The following WDR64 variants were observed in gnomAD, a reference collection of about 807,000 sequenced individuals.
WDR64 encodes WD repeat-containing protein 64.
WDR64 carries 112 observed loss-of-function variants against 139.3 expected under a neutral mutation model. That is an observed-to-expected ratio of 0.80 (90% confidence interval 0.69 to 0.94). The LOEUF (loss-of-function observed/expected upper bound fraction) is 0.94, where lower values mean the gene tolerates loss of function less well. Among genes scored for constraint, WDR64 ranks in the 40% least tolerant of loss-of-function variants. The pLI is 0.00. For synonymous variants in WDR64, 444 were observed against 437.7 expected (o/e 1.01, Z -0.18); for missense variants, 1,206 against 1,293.1 (o/e 0.93, Z 1.03).
chr1:241,677,287 C>A, intron 4 of WDR64: 1 of 398,322 alleles, frequency 2.5e-6, no homozygotes, highest in South Asian at 1.3e-4. Flanking sequence ...CACAGGTGTT[C>A]TGTTCTGCTA....
At position 241,744,389 on chromosome 1, in the gene WDR64, A is replaced by G. The variant is rs7418599; in HGVS notation, c.1471-4A>G. On this transcript the variant is annotated splice_polypyrimidine_tract_variant and splice_region_variant and intron_variant, in intron 12 of 27. Coordinates refer to ENST00000437684, the MANE Select transcript of WDR64 (RefSeq NM_001367482.1). ...TTACTTGATATTTTCGTTCTTTCCC[A>G]TAGGTATGGGAACTCGAGACTGGGC... The G allele has an allele frequency of 0.36, 574,204 of 1,612,588 alleles. 105,539 individuals are homozygous for G. The highest frequency in any genetic ancestry group is 0.49 in the East Asian group (21,960 of 44,856).
At chr1:241,675,761 T>C (rs1323183135) in intron 4 of WDR64, among the ~76,000 whole-genome samples, 1 of 152,206 alleles carries the variant, frequency 6.6e-6, no homozygotes, top group Non-Finnish European at 1.5e-5. Context: ...AAACCTGTCC[T>C]CCCTCAAAGG....
At chr1:241,700,658 TA>T (rs1015320938) in intron 8 of WDR64, among the ~76,000 whole-genome samples, 2 of 152,188 alleles carry the variant, frequency 1.3e-5, no homozygotes, top group African/African-American at 4.8e-5. Context: ...TTTGCCAACT[TA>T]TTTGTTGGCC....
At chr1:241,795,428 C>A in intron 26 of WDR64, 141 bp downstream of exon 26, 1 of 681,436 alleles carries the variant, frequency 1.5e-6, no homozygotes, top group Non-Finnish European at 2.5e-6. Context: ...GTATCATGTG[C>A]AGTCCCAGAA....
At chr1:241,692,028 T>TAA (rs77284427) in intron 8 of WDR64, among the ~76,000 whole-genome samples, 3 of 113,784 alleles carry the variant, frequency 2.6e-5, no homozygotes, top group East Asian at 2.4e-4. Flanking sequence ...AATAAAAAAA[T>TAA]AAAAAAAAAA....
chr1:241,683,715 A>G lies in WDR64; in HGVS notation c.839+14A>G. 6 of 1,502,046 alleles carry G rather than the reference A, an allele frequency of 4.0e-6. No homozygotes were observed. The highest frequency in any genetic ancestry group is 5.4e-6 in the Non-Finnish European group (6 of 1,118,200). 93.0% of individuals were successfully genotyped at this position (1,502,046 alleles called of 1,614,324 possible). On this transcript the variant is annotated intron_variant, in intron 7 of 27. Coordinates refer to ENST00000437684, the MANE Select transcript of WDR64 (RefSeq NM_001367482.1). ...GAACTTTAAAAGGTAAGAGTATCATACAGTTAATTTAATTCTTTTAATAAT... is the reference window on the plus strand; with the variant it reads ...GAACTTTAAAAGGTAAGAGTATCATGCAGTTAATTTAATTCTTTTAATAAT...
chr1:241,735,823 A>ATC (rs762750963), intron 10 of WDR64, among the ~76,000 whole-genome samples: 1,292 of 82,688 alleles, frequency 0.016, 6 homozygotes, highest in East Asian at 0.053. Context: ...TTCTCTTTCT[A>ATC]TCTCTCTCTC....
intron 14 of WDR64, among the ~76,000 whole-genome samples, chr1:241,749,997 A>T (rs10926564): frequency 0.53 from 80,073 of 151,942 alleles, 23,691 homozygotes; most frequent in Middle Eastern, 0.73. Flanking sequence ...GGCTAAATTT[A>T]TACTCAGCTG....
intron 6 of WDR64, 101 bp from the exon 7 acceptor site, chr1:241,683,386 A>T (rs1444537907): frequency 8.7e-7 from 1 of 1,151,304 alleles, no homozygotes; most frequent in Non-Finnish European, 1.2e-6. Context: ...TGTATCTACA[A>T]TAAGAAACAG....
rs1335717619 is a variant in WDR64, at chr1:241,802,738, G to A, written c.*1523G>A. 6.6e-6 allele frequency among the ~76,000 whole-genome samples: 1 copy of A among 152,138 alleles called. No homozygotes were observed. The highest frequency in any genetic ancestry group is 1.5e-5 in the Non-Finnish European group (1 of 68,032). On this transcript the variant is annotated 3_prime_UTR_variant, in exon 28 of 28. Coordinates refer to ENST00000437684, the MANE Select transcript of WDR64 (RefSeq NM_001367482.1). ...CCACATTAATTATGGAATCTAGGTG[G>A]TAGGAATACAGGTATTCATTAAAGA...
In WDR64 at chr1:241,741,560, G is replaced by A; in HGVS notation, c.1366G>A (p.Asp456Asn). 1.2e-6 allele frequency: 2 copies of A among 1,613,172 alleles called. No individual in the cohort carries two copies. The highest frequency in any genetic ancestry group is 1.3e-5 in the African/African-American group (1 of 74,968). The change falls in exon 12 of 28, where the codon GAT becomes AAT. Residue 456 changes from aspartate to asparagine, a missense_variant. By Grantham distance (23) the Asp-to-Asn change is conservative (BLOSUM62 1). Coordinates refer to ENST00000437684, the MANE Select transcript of WDR64 (RefSeq NM_001367482.1). ...DMYPLTRMIQ[D>N]TKQVPHTHER... Reference sequence around the variant, plus strand: ...GTATCCTTTGACTAGGATGATACAAGATACAAAACAGGTTCCTCACACTCA... The same window carrying A: ...GTATCCTTTGACTAGGATGATACAAAATACAAAACAGGTTCCTCACACTCA...
intron 8 of WDR64, among the ~76,000 whole-genome samples, chr1:241,708,456 C>G (rs749003573): frequency 2.0e-5 from 3 of 152,056 alleles, no homozygotes; most frequent in Non-Finnish European, 4.4e-5. Context: ...TGGGATGACA[C>G]GCATACACCA....
chr1:241,789,539 A>G lies in WDR64; in HGVS notation c.2892-1052A>G, dbSNP rs547432969. Among the ~76,000 whole-genome samples the G allele has an allele frequency of 2.0e-5, 3 of 152,334 alleles. No homozygotes were observed. The South Asian group carries it at 6.2e-4, about 32-fold the overall frequency. On this transcript the variant is annotated intron_variant, in intron 24 of 27. Coordinates refer to ENST00000437684, the MANE Select transcript of WDR64 (RefSeq NM_001367482.1). ...TGGTACATATACACCACGAAATACT[A>G]TGCACCCATAAAAAAGAATGAGATC...
intron 20 of WDR64, among the ~76,000 whole-genome samples, chr1:241,773,923 A>G (rs1658555859): frequency 6.6e-6 from 1 of 152,232 alleles, no homozygotes; most frequent in Non-Finnish European, 1.5e-5. Context: ...AGAACACTGA[A>G]ATGTTGAGTA....
chr1:241,755,673 T>A (rs1439278553), intron 14 of WDR64, among the ~76,000 whole-genome samples: 1 of 152,226 alleles, frequency 6.6e-6, no homozygotes, highest in Non-Finnish European at 1.5e-5. Flanking sequence ...GGTTTTCTTC[T>A]AGGGTTTTTA....
At chr1:241,773,465 G>GTTGT (rs768003929) in intron 20 of WDR64, among the ~76,000 whole-genome samples, 1 of 152,184 alleles carries the variant, frequency 6.6e-6, no homozygotes, top group Non-Finnish European at 1.5e-5. Context: ...GAGGGCATTA[G>GTTGT]TTGTTTGTTT....
chr1:241,775,536 C>T (rs1382400914), intron 21 of WDR64, among the ~76,000 whole-genome samples: 1 of 151,922 alleles, frequency 6.6e-6, no homozygotes, highest in Non-Finnish European at 1.5e-5. Flanking sequence ...GTGTATGTTG[C>T]ATTAATCTTA....
In WDR64 at chr1:241,738,443, G is replaced by C; in HGVS notation, c.1275G>C (p.Gln425His). The change falls in exon 11 of 28, where the codon CAG becomes CAC. Residue 425 changes from glutamine to histidine, a missense_variant. Coordinates refer to ENST00000437684, the MANE Select transcript of WDR64 (RefSeq NM_001367482.1). ...GCCAGGGAGGACCAGGAGACATGCA[G>C]ATTTACTCTATGATATATGATGCCA... ...HDSQGGPGDM[Q>H]IYSMIYDANH... is the part of the protein sequence containing the mutation. The C allele has an allele frequency of 6.2e-7, 1 of 1,613,758 alleles. No homozygotes were observed. Among genetic ancestry groups the C allele is most frequent in the Non-Finnish European group, 8.5e-7 (1 of 1,179,846 alleles).
At chr1:241,693,509 G>A (rs1667379122) in intron 8 of WDR64, among the ~76,000 whole-genome samples, 1 of 152,168 alleles carries the variant, frequency 6.6e-6, no homozygotes, top group Non-Finnish European at 1.5e-5. Flanking sequence ...CCTATGGAGT[G>A]TACAACACCA....
Sources: allele counts gnomAD v4.1 joint callset (sites outside exome capture counted in the v4.1 genomes callset), GRCh38; gene constraint gnomAD v4.1.1; transcripts MANE v1.5; gene names NCBI Gene and HGNC (gene_info 2026-07-23, HGNC 2026-07-21).